Variants in SMOX observed in about 807,000 individuals in gnomAD.
SMOX encodes the protein flavin containing amine oxidase.
SMOX carries 22 observed loss-of-function variants against 51.0 expected under a neutral mutation model. The observed-to-expected ratio is 0.43, with a 90% CI of 0.31 to 0.62. The LOEUF (loss-of-function observed/expected upper bound fraction) is 0.62. Among genes scored for constraint, SMOX ranks in the 20% least tolerant of loss-of-function variants. SMOX has a pLI of 0.10. For synonymous variants in SMOX, 282 were observed against 307.8 expected (o/e 0.92, Z 0.88); for missense variants, 566 against 777.7 (o/e 0.73, Z 3.24).
In SMOX at chr20:4,181,038, T is replaced by C. The variant is rs534210206; in HGVS notation, c.436-765T>C. ...TGCCCAGTGCTTAGTGGGGACTGTA[T>C]ATGAGACAGGCACGAGGGTCGGGCG... is the stretch of plus-strand genomic sequence containing the variant. On this transcript the variant is annotated intron_variant, in intron 3 of 6. Coordinates refer to ENST00000305958, the MANE Select transcript of SMOX (RefSeq NM_175839.3). The surrounding 1 kb of genome is among the most constrained non-coding windows in gnomAD (Gnocchi z 5.6). 6.6e-6 allele frequency among the ~76,000 whole-genome samples: 1 copy of C among 152,192 alleles called. No individual in the cohort carries two copies. The highest frequency in any genetic ancestry group is 1.5e-5 in the Non-Finnish European group (1 of 68,034).
Position 4,187,386 on chromosome 20 carries a change from C to T in SMOX, c.1647C>T (p.Asp549=). 1.9e-6 allele frequency: 3 copies of T among 1,614,088 alleles called. No homozygotes were observed. The highest frequency in any genetic ancestry group is 2.5e-6 in the Non-Finnish European group (3 of 1,179,972). The change falls in exon 7 of 7, where the codon GAC becomes GAT. Residue 549 remains aspartate, a synonymous_variant. Transcript: ENST00000305958. This position sits in a 1 kb window ranked among gnomAD's most constrained non-coding sequence, Gnocchi z 4.8. ...EAARLIEMYR[D]LFQQGT is the part of the protein sequence containing the mutation. ...CCCGCCTCATTGAGATGTACCGAGACCTCTTCCAGCAGGGGACCTGAGGGC... is the reference window on the plus strand; with the variant it reads ...CCCGCCTCATTGAGATGTACCGAGATCTCTTCCAGCAGGGGACCTGAGGGC...
At chr20:4,163,200 TAA>T (rs11475945) in intron 1 of SMOX, among the ~76,000 whole-genome samples, 160 of 144,450 alleles carry the variant, frequency 1.1e-3, no homozygotes, top group East Asian at 1.2e-3. Context: ...TGTAGGTCCC[TAA>T]AAAAAAAAAA....
At chr20:4,152,533 G>C (rs1472051841) in intron 1 of SMOX, among the ~76,000 whole-genome samples, 1 of 152,098 alleles carries the variant, frequency 6.6e-6, no homozygotes, top group African/African-American at 2.4e-5. Flanking sequence ...GGTGGACTGA[G>C]GTAACACCGC....
At position 4,175,046 on chromosome 20, in the gene SMOX, C is replaced by A; in HGVS notation, c.-10C>A. The A allele has an allele frequency of 6.2e-7, 1 of 1,613,898 alleles. No homozygotes were observed. Among genetic ancestry groups the A allele is most frequent in the South Asian group, 1.1e-5 (1 of 91,064 alleles). ...CCCCTGCAGGTTCCTAGAAGGTGAG[C>A]GCGGACGGTATGCAAAGTTGTGAAT... is the stretch of plus-strand genomic sequence containing the variant. On this transcript the variant is annotated 5_prime_UTR_variant, in exon 2 of 7. Transcript: ENST00000305958.
chr20:4,173,734 A>G (rs749848234), intron 1 of SMOX, among the ~76,000 whole-genome samples: 3 of 152,256 alleles, frequency 2.0e-5, no homozygotes, highest in Non-Finnish European at 2.9e-5. Context: ...AGATTCTGCA[A>G]CTTTTGCCAC....
chr20:4,156,931 T>C (rs1741303), intron 1 of SMOX, among the ~76,000 whole-genome samples: 99,275 of 151,918 alleles, frequency 0.65, 34,077 homozygotes, highest in African/African-American at 0.85. Context: ...TTAGTAGAGG[T>C]GGGGTTTCAC....
rs1193589027 is a variant in SMOX, at chr20:4,181,447, C to T, written c.436-356C>T. The stretch of plus-strand genomic sequence containing the variant: ...GAACAGGTAAATGTGTGCAAATGCC[C>T]ATCCTCCAGTGGGAGGTGGAGCCCA... On this transcript the variant is annotated intron_variant, in intron 3 of 6. Coordinates refer to ENST00000305958, the MANE Select transcript of SMOX (RefSeq NM_175839.3). The surrounding 1 kb of genome is among the most constrained non-coding windows in gnomAD (Gnocchi z 5.6). 6.6e-6 allele frequency among the ~76,000 whole-genome samples: 1 copy of T among 152,238 alleles called. No individual in the cohort carries two copies. The highest frequency in any genetic ancestry group is 2.4e-5 in the African/African-American group (1 of 41,462).
In SMOX at chr20:4,149,247, G is replaced by A. The variant is rs1322006513; in HGVS notation, c.-27+270G>A. Among the ~76,000 whole-genome samples the A allele has an allele frequency of 6.7e-6, 1 of 150,060 alleles. No homozygotes were observed. Among genetic ancestry groups the A allele is most frequent in the African/African-American group, 2.4e-5 (1 of 41,030 alleles). On this transcript the variant is annotated intron_variant, in intron 1 of 6. Coordinates refer to ENST00000305958, the MANE Select transcript of SMOX (RefSeq NM_175839.3). This position sits in a 1 kb window ranked among gnomAD's most constrained non-coding sequence, Gnocchi z 6.0. ...GTGGGCCGGGGTGGCGGCGATCCCG[G>A]CGCCAGGGCTGCTCGGCCCGGGCCG...
chr20:4,179,409 T>A (rs773631604), intron 3 of SMOX, among the ~76,000 whole-genome samples: 1 of 152,194 alleles, frequency 6.6e-6, no homozygotes, highest in Non-Finnish European at 1.5e-5. Context: ...TGGGTGGTGA[T>A]GTTTTGAGTC....
intron 1 of SMOX, among the ~76,000 whole-genome samples, chr20:4,165,154 A>C (rs1026618250): frequency 2.7e-5 from 4 of 145,712 alleles, no homozygotes; most frequent in African/African-American, 7.6e-5. Flanking sequence ...TCCGAGGTTC[A>C]AGTGATTCTC....
At chr20:4,180,292 C>T (rs1979224734) in intron 3 of SMOX, among the ~76,000 whole-genome samples, 1 of 152,214 alleles carries the variant, frequency 6.6e-6, no homozygotes, top group Non-Finnish European at 1.5e-5. Flanking sequence ...AGGCCTTCCC[C>T]TTGAGTGAGA....
chr20:4,159,017 TAAAA>T (rs10714303), intron 1 of SMOX, among the ~76,000 whole-genome samples: 2 of 149,588 alleles, frequency 1.3e-5, no homozygotes, highest in Admixed American at 1.3e-4. Context: ...TTTGGAAAAT[TAAAA>T]AAAAAAAATC....
chr20:4,152,362 A>G (rs556060279), intron 1 of SMOX, among the ~76,000 whole-genome samples: 1 of 152,098 alleles, frequency 6.6e-6, no homozygotes, highest in Admixed American at 6.5e-5. Flanking sequence ...GTCTCTCTCT[A>G]TCTCTAGACT....
At chr20:4,155,445 T>C (rs1985975014) in intron 1 of SMOX, among the ~76,000 whole-genome samples, 1 of 152,096 alleles carries the variant, frequency 6.6e-6, no homozygotes, top group South Asian at 2.1e-4. Context: ...CTCTCTGCTC[T>C]GCCCTGGCTG....
chr20:4,183,371 C>T lies in SMOX; in HGVS notation c.1370-123C>T, dbSNP rs1203880709. On this transcript the variant is annotated intron_variant, in intron 5 of 6. Coordinates refer to ENST00000305958, the MANE Select transcript of SMOX (RefSeq NM_175839.3). The surrounding 1 kb of genome is among the most constrained non-coding windows in gnomAD (Gnocchi z 4.3). The stretch of plus-strand genomic sequence containing the variant: ...TTCCTCTTCTATCCTCCGTGCCTAC[C>T]CCTGGCAGTCTGGTCCTCCCGGAGC... The T allele has an allele frequency of 6.3e-6, 9 of 1,429,410 alleles. No individual in the cohort carries two copies. The highest frequency in any genetic ancestry group is 2.8e-5 in the African/African-American group (2 of 71,272). 88.5% of individuals were successfully genotyped at this position (1,429,410 alleles called of 1,614,324 possible).
At chr20:4,185,917 CCCCTGGCG>C (rs1281244075) in intron 6 of SMOX, among the ~76,000 whole-genome samples, 115 of 147,468 alleles carry the variant, frequency 7.8e-4, no homozygotes, top group African/African-American at 2.9e-3. Context: ...AAAACAACAA[CCCCTGGCG>C]CCCTAAACAC....
At chr20:4,164,543 T>A (rs148643471) in intron 1 of SMOX, among the ~76,000 whole-genome samples, 4 of 152,322 alleles carry the variant, frequency 2.6e-5, no homozygotes, top group African/African-American at 7.2e-5. Context: ...TGTGGTACTA[T>A]AAGGTGTTCC....
chr20:4,174,775 C>T (rs1978695566), intron 1 of SMOX, among the ~76,000 whole-genome samples: 1 of 152,204 alleles, frequency 6.6e-6, no homozygotes, highest in Non-Finnish European at 1.5e-5. Flanking sequence ...TGCATCCCTC[C>T]CTTACTTTCT....
At chr20:4,157,816 C>T (rs1986087509) in intron 1 of SMOX, among the ~76,000 whole-genome samples, 1 of 152,126 alleles carries the variant, frequency 6.6e-6, no homozygotes, top group African/African-American at 2.4e-5. Flanking sequence ...GCTACCCTGC[C>T]TCGCCTCTGC....
Sources: gnomAD v4.1 joint callset for allele counts (sites outside exome capture counted in the v4.1 genomes callset) on GRCh38, gnomAD v4.1.1 for gene constraint, Gnocchi (gnomAD v3.1) non-coding constraint, MANE v1.5 for transcripts, NCBI Gene and HGNC (gene_info 2026-07-23, HGNC 2026-07-21) for gene names.